Variants in AGPAT3 observed in about 807,000 individuals in gnomAD.
AGPAT3 encodes the protein 1-acylglycerol-3-phosphate O-acyltransferase 3.
Under a neutral mutation model 47.3 loss-of-function variants are expected in AGPAT3, and 5 were observed. The observed-to-expected ratio is 0.11, with a 90% CI of 0.06 to 0.22. The LOEUF is 0.22. AGPAT3 is among the 10% of genes least tolerant of loss of function. The pLI is 1.00. For missense variants in AGPAT3, 315 were observed against 493.0 expected, an observed-to-expected ratio of 0.64 and a Z score of 3.42; for synonymous variants, 212 against 208.3, an observed-to-expected ratio of 1.02 and a Z score of -0.15.
chr21:43,955,406 C>T lies in AGPAT3; in HGVS notation c.-48-4228C>T, dbSNP rs118034552. On this transcript the variant is annotated intron_variant, in intron 2 of 9. Coordinates refer to ENST00000291572, the MANE Select transcript of AGPAT3 (RefSeq NM_020132.5). This position sits in a 1 kb window ranked among gnomAD's most constrained non-coding sequence, Gnocchi z 4.1. Reference sequence around the variant, plus strand: ...GGACACTCGGCAAACCCATCTTAATCGTGTGTTATTTATTCCTGGATGAAG... The same window carrying T: ...GGACACTCGGCAAACCCATCTTAATTGTGTGTTATTTATTCCTGGATGAAG... 0.015 allele frequency among the ~76,000 whole-genome samples: 2,236 copies of T among 152,120 alleles called. 37 individuals are homozygous for T. Among genetic ancestry groups the T allele is most frequent in the Admixed American group, 0.055 (834 of 15,298 alleles).
intron 2 of AGPAT3, among the ~76,000 whole-genome samples, chr21:43,926,124 A>C (rs965664800): frequency 5.3e-5 from 8 of 152,248 alleles, no homozygotes. Flanking sequence ...TGGAGCATTC[A>C]GTGGTACGGT....
intron 1 of AGPAT3, among the ~76,000 whole-genome samples, chr21:43,887,945 G>T (rs956792869): frequency 6.6e-6 from 1 of 152,196 alleles, no homozygotes; most frequent in South Asian, 2.1e-4. Context: ...GAGCCACCAC[G>T]CCCGGCCCAT....
In AGPAT3 at chr21:43,984,226, C is replaced by G. The variant is rs759942977; in HGVS notation, c.*1834C>G. The G allele has an allele frequency of 6.6e-6, 1 of 152,308 alleles. No homozygotes were observed. The highest frequency in any genetic ancestry group is 1.5e-5 in the Non-Finnish European group (1 of 68,092). The allele number at this position is 152,308 out of a possible 1,614,324, so 9.4% of individuals were successfully genotyped here. A position where few individuals can be genotyped will look rare whatever the true frequency, so the allele number is the denominator to read the frequency against. On this transcript the variant is annotated 3_prime_UTR_variant, in exon 10 of 10. Transcript: ENST00000291572. ...AATCTCATCCCTCCACCCGCCCACT[C>G]GGGCAGCTGTGCCGTGGGCAGGGCA...
At chr21:43,958,987 T>C (rs1263228224) in intron 2 of AGPAT3, among the ~76,000 whole-genome samples, 1 of 140,974 alleles carries the variant, frequency 7.1e-6, no homozygotes, top group Non-Finnish European at 1.5e-5. Context: ...ATGTGTGTGG[T>C]TTGCGGTGTG....
chr21:43,931,850 GCTCCAGCTAT>G (rs1241611004), intron 2 of AGPAT3, among the ~76,000 whole-genome samples: 1 of 151,802 alleles, frequency 6.6e-6, no homozygotes, highest in East Asian at 1.9e-4. Flanking sequence ...ATGATGAAAA[GCTCCAGCTAT>G]CTCAATGTTC....
chr21:43,873,959 AG>A (rs60179528), intron 1 of AGPAT3, among the ~76,000 whole-genome samples: 1 of 152,204 alleles, frequency 6.6e-6, no homozygotes, highest in African/African-American at 2.4e-5. Context: ...TTCTCTTTCT[AG>A]GTTACTGAAT....
At position 43,892,993 on chromosome 21, in the gene AGPAT3, G is replaced by A. The variant is rs150203083; in HGVS notation, c.-111-10964G>A. Among the ~76,000 whole-genome samples, 601 of 152,298 alleles carry A rather than the reference G, an allele frequency of 3.9e-3. 2 individuals carry two copies. The highest frequency in any genetic ancestry group is 7.1e-3 in the Non-Finnish European group (485 of 68,034). On this transcript the variant is annotated intron_variant, in intron 1 of 9. Transcript: ENST00000291572. ...GCCTGTCATCTCAGCCTCTTGGGAA[G>A]CTGACTTGGGAGGATTGCTTGAGCC...
intron 1 of AGPAT3, among the ~76,000 whole-genome samples, chr21:43,896,943 G>GTTTTTTTTTTTTTTTTTTTTTTTTTTTCT (rs61657564): frequency 2.4e-5 from 1 of 42,322 alleles, no homozygotes; most frequent in Non-Finnish European, 4.4e-5. Context: ...TTGACAGTCC[G>GTTTTTTTTTTTTTTTTTTTTTTTTTTTCT]TTTTTTTTTT....
In AGPAT3 at chr21:43,875,499, G is replaced by A. The variant is rs1036985072; in HGVS notation, c.-112+10154G>A. Among the ~76,000 whole-genome samples the A allele has an allele frequency of 5.9e-5, 9 of 152,260 alleles. No homozygotes were observed. The South Asian group carries it at 1.0e-3, about 18-fold the overall frequency. Reference sequence around the variant, plus strand: ...CATCCTCCCAGCCACTTAAACTCTCGTTCATGTTTTTACCTTTCAGTCTTT... The same window carrying A: ...CATCCTCCCAGCCACTTAAACTCTCATTCATGTTTTTACCTTTCAGTCTTT... On this transcript the variant is annotated intron_variant, in intron 1 of 9. Coordinates refer to ENST00000291572, the MANE Select transcript of AGPAT3 (RefSeq NM_020132.5).
Position 43,969,223 on chromosome 21 carries a change from C to T in AGPAT3, c.454C>T (p.Arg152Trp). ...CTGCAAGCGGAAGTGGGAGGAGGAC[C>T]GGGACACCGTGGTCGAAGGGCTGAG... ...VFCKRKWEED[R>W]DTVVEGLRRL... Residue 152 changes from arginine to tryptophan, a missense_variant, in exon 5 of 10, where the codon CGG becomes TGG. Arg to Trp is a moderately radical substitution (Grantham distance 101). Transcript: ENST00000291572. 3 of 1,614,196 alleles carry T rather than the reference C, an allele frequency of 1.9e-6. No individual in the cohort carries two copies. Among genetic ancestry groups the T allele is most frequent in the Non-Finnish European group, 2.5e-6 (3 of 1,180,024 alleles).
rs1460425913 is a variant in AGPAT3, at chr21:43,955,016, A to G, written c.-48-4618A>G. ...TCGAGGGGAAGCTGCATCCACACAG[A>G]GGCTGGGACGTGAATGTGCATCACG... On this transcript the variant is annotated intron_variant, in intron 2 of 9. Coordinates refer to ENST00000291572, the MANE Select transcript of AGPAT3 (RefSeq NM_020132.5). This position sits in a 1 kb window ranked among gnomAD's most constrained non-coding sequence, Gnocchi z 4.1. The G allele has an allele frequency of 3.1e-5, 36 of 1,145,334 alleles. No homozygotes were observed. Among genetic ancestry groups the G allele is most frequent in the Non-Finnish European group, 4.0e-5 (36 of 909,932 alleles). The allele number at this position is 1,145,334 out of a possible 1,614,324, so 70.9% of individuals were successfully genotyped here.
chr21:43,906,975 G>A (rs1233717237), intron 2 of AGPAT3, among the ~76,000 whole-genome samples: 3 of 152,154 alleles, frequency 2.0e-5, no homozygotes, highest in Non-Finnish European at 4.4e-5. Context: ...CTGGCAGGAG[G>A]CAAAGGAGGC....
At position 43,884,945 on chromosome 21, in the gene AGPAT3, T is replaced by C. The variant is rs1030737095; in HGVS notation, c.-111-19012T>C. Among the ~76,000 whole-genome samples the C allele has an allele frequency of 3.9e-5, 6 of 152,252 alleles. No individual in the cohort carries two copies. The South Asian group carries it at 1.2e-3, about 31-fold the overall frequency. ...CTTCTCCCACCTCACATGGGATAGA[T>C]CGGAGTTAACAGTGATGCCTTTGTT... On this transcript the variant is annotated intron_variant, in intron 1 of 9. Transcript: ENST00000291572.
chr21:43,916,139 T>C (rs2086723425), intron 2 of AGPAT3: 3 of 152,246 alleles, frequency 2.0e-5, no homozygotes, highest in African/African-American at 7.2e-5. Context: ...TGAAAATTTC[T>C]TTGCTGCTTA....
In AGPAT3 at chr21:43,928,788, G is replaced by A. The variant is rs146392600; in HGVS notation, c.-49+24769G>A. ...TACTGAGGAGGGTGTGTTTGCGTGT[G>A]TTTGGCTACCTACGGATACTACAGA... On this transcript the variant is annotated intron_variant, in intron 2 of 9. Transcript: ENST00000291572. Among the ~76,000 whole-genome samples, 1,158 of 152,354 alleles carry A rather than the reference G, an allele frequency of 7.6e-3. 9 individuals carry two copies. The highest frequency in any genetic ancestry group is 0.023 in the South Asian group (113 of 4,826).
intron 1 of AGPAT3, among the ~76,000 whole-genome samples, chr21:43,878,809 TG>T (rs1363214819): frequency 6.6e-6 from 1 of 151,980 alleles, no homozygotes; most frequent in Non-Finnish European, 1.5e-5. Context: ...ATCTCGATCT[TG>T]GCTCATTGCA....
intron 1 of AGPAT3, among the ~76,000 whole-genome samples, chr21:43,900,680 AG>A (rs1248887445): frequency 2.0e-5 from 3 of 152,144 alleles, no homozygotes; most frequent in Non-Finnish European, 4.4e-5. Flanking sequence ...GGTGAGGGAA[AG>A]GGGCGTGGGA....
At chr21:43,975,157 C>T (rs2089559029) in intron 7 of AGPAT3, among the ~76,000 whole-genome samples, 1 of 150,356 alleles carries the variant, frequency 6.7e-6, no homozygotes, top group Non-Finnish European at 1.5e-5. Context: ...TCGAGGTGTG[C>T]TGGTGTGTGG....
chr21:43,914,030 T>C (rs2086680694), intron 2 of AGPAT3, among the ~76,000 whole-genome samples: 1 of 152,242 alleles, frequency 6.6e-6, no homozygotes, highest in African/African-American at 2.4e-5. Flanking sequence ...GTGGCCCTGT[T>C]TTCTATTTTT....
Sources: allele counts gnomAD v4.1 joint callset (sites outside exome capture counted in the v4.1 genomes callset), GRCh38; gene constraint gnomAD v4.1.1; non-coding constraint Gnocchi (gnomAD v3.1); transcripts MANE v1.5; gene names NCBI Gene and HGNC (gene_info 2026-07-23, HGNC 2026-07-21).